The following TRAF5 variants were observed in gnomAD, a reference collection of about 807,000 sequenced individuals.
TRAF5 encodes TNF receptor associated factor 5, also known as TNF receptor-associated factor 5.
In TRAF5, 48 loss-of-function variants were observed where a neutral mutation model predicts 64.5. That is an observed-to-expected ratio of 0.74 (90% CI 0.59 to 0.95). The LOEUF is 0.95. TRAF5 is among the 40% of genes least tolerant of loss of function. The probability of loss-of-function intolerance (pLI) is 0.00; values close to 1 mark genes in which losing one functional copy is unlikely to be tolerated. For synonymous variants in TRAF5, 206 were observed against 240.5 expected, an observed-to-expected ratio of 0.86 and a Z score of 1.33; for missense variants, 545 against 662.8, an observed-to-expected ratio of 0.82 and a Z score of 1.95.
intron 1 of TRAF5, among the ~76,000 whole-genome samples, chr1:211,344,691 A>T (rs933221017): frequency 1.2e-4 from 18 of 152,220 alleles, no homozygotes; most frequent in African/African-American, 4.3e-4. Flanking sequence ...AGACCATTTC[A>T]GTTCTCCTTT....
intron 1 of TRAF5, among the ~76,000 whole-genome samples, chr1:211,332,455 T>C (rs981168074): frequency 3.9e-5 from 6 of 152,030 alleles, no homozygotes; most frequent in Admixed American, 2.0e-4. Context: ...GGGAGACCCT[T>C]GACCCTGGAG....
rs769155761 is a variant in TRAF5, at chr1:211,361,114, T to C, written c.648T>C (p.Pro216=). ...TAGATGAACACCTGGCTGTATGTCC[T>C]GAAGCTGAGCAAGACTGTCCTTTTA... ...TEVDEHLAVC[P]EAEQDCPFKH... is the part of the protein sequence containing the mutation. The change falls in exon 7 of 11, where the codon CCT becomes CCC. Residue 216 remains proline, a synonymous_variant. Coordinates refer to ENST00000261464, the MANE Select transcript of TRAF5 (RefSeq NM_001033910.3). 32 of 1,614,078 alleles carry C rather than the reference T, an allele frequency of 2.0e-5. 1 individual carries two copies. The South Asian group carries it at 3.5e-4, about 18-fold the overall frequency.
intron 1 of TRAF5, among the ~76,000 whole-genome samples, chr1:211,342,488 C>T (rs1702474337): frequency 6.6e-6 from 1 of 152,076 alleles, no homozygotes; most frequent in Non-Finnish European, 1.5e-5. Context: ...CTTTGTGTTA[C>T]AATCATCCCA....
chr1:211,345,353 C>G (rs1020059838), intron 1 of TRAF5, among the ~76,000 whole-genome samples: 2 of 151,974 alleles, frequency 1.3e-5, no homozygotes, highest in East Asian at 1.9e-4. Flanking sequence ...ACTGTGCCAG[C>G]CCTGCGCTCC....
intron 1 of TRAF5, among the ~76,000 whole-genome samples, chr1:211,332,282 C>T (rs1032800107): frequency 1.3e-5 from 2 of 152,232 alleles, no homozygotes; most frequent in Non-Finnish European, 2.9e-5. Flanking sequence ...CAAGCTCTGG[C>T]TTGATAGCCA....
intron 1 of TRAF5, among the ~76,000 whole-genome samples, chr1:211,338,792 T>G (rs1702372709): frequency 6.6e-6 from 1 of 152,074 alleles, no homozygotes; most frequent in African/African-American, 2.4e-5. Context: ...GCCCAGGTAA[T>G]TTTTATATTT....
At chr1:211,329,356 T>G (rs971446150) in intron 1 of TRAF5, among the ~76,000 whole-genome samples, 15 of 152,194 alleles carry the variant, frequency 9.9e-5, no homozygotes, top group Admixed American at 5.2e-4. Flanking sequence ...CCAGCAGGAC[T>G]TGCTTAAATC....
At chr1:211,369,792 C>T (rs570211849) in intron 9 of TRAF5, among the ~76,000 whole-genome samples, 200 bp downstream of exon 9, 2 of 152,318 alleles carry the variant, frequency 1.3e-5, no homozygotes, top group African/African-American at 2.4e-5. Flanking sequence ...ATCATTCATG[C>T]TCCCCTCCAC....
chr1:211,330,142 C>T (rs986021413), intron 1 of TRAF5, among the ~76,000 whole-genome samples: 1 of 152,140 alleles, frequency 6.6e-6, no homozygotes, highest in Non-Finnish European at 1.5e-5. Flanking sequence ...ATGCTTGGAT[C>T]GTGCTGTAGC....
At chr1:211,365,273 G>C in intron 7 of TRAF5, 103 bp from the exon 8 acceptor site, 9 of 970,192 alleles carry the variant, frequency 9.3e-6, no homozygotes, top group Non-Finnish European at 1.4e-5. Context: ...AACTATTAAA[G>C]TAAGCAAAGT....
intron 1 of TRAF5, among the ~76,000 whole-genome samples, chr1:211,348,296 A>G (rs1702674465): frequency 6.6e-6 from 1 of 152,236 alleles, no homozygotes; most frequent in South Asian, 2.1e-4. Flanking sequence ...TCATAAAAAT[A>G]TTTGTATTAA....
chr1:211,354,423 G>A lies in TRAF5; in HGVS notation c.232G>A (p.Val78Met), dbSNP rs1702896578. Residue 78 changes from valine (V) to methionine (M), a missense_variant, in exon 3 of 11, where the codon GTG becomes ATG. By Grantham distance (21) the Val-to-Met change is conservative. Transcript: ENST00000261464. ...CILSLRELNT[V>M]PICPVDKEVI... ...TTTTTTCTCCAGAGAATTAAACACA[G>A]TGCCAATCTGCCCTGTAGATAAAGA... 1.9e-6 allele frequency: 3 copies of A among 1,614,172 alleles called. No homozygotes were observed. The South Asian group carries it at 3.3e-5, about 18-fold the overall frequency.
intron 1 of TRAF5, among the ~76,000 whole-genome samples, chr1:211,328,587 C>G (rs1322947500): frequency 6.6e-6 from 1 of 151,910 alleles, no homozygotes; most frequent in Non-Finnish European, 1.5e-5. Context: ...GTCCACTGAA[C>G]GTCCTGACGA....
chr1:211,355,411 T>C (rs1352833841), intron 3 of TRAF5, among the ~76,000 whole-genome samples: 3 of 152,188 alleles, frequency 2.0e-5, no homozygotes, highest in Admixed American at 2.0e-4. Flanking sequence ...GTCTGTTCCA[T>C]TGTCATGAAG....
chr1:211,363,991 G>T (rs1703268543), intron 7 of TRAF5, among the ~76,000 whole-genome samples: 1 of 151,688 alleles, frequency 6.6e-6, no homozygotes, highest in South Asian at 2.1e-4. Flanking sequence ...ATCTCCAGTT[G>T]GTTTGTATTC....
At chr1:211,351,040 T>TTC (rs1553270351) in intron 1 of TRAF5, among the ~76,000 whole-genome samples, 1 of 147,668 alleles carries the variant, frequency 6.8e-6, no homozygotes, top group East Asian at 2.0e-4. Flanking sequence ...TCTTTTTTTT[T>TTC]TTTTTTTTTT....
At chr1:211,329,427 A>G (rs10863888) in intron 1 of TRAF5, among the ~76,000 whole-genome samples, 77,236 of 152,024 alleles carry the variant, frequency 0.51, 21,686 homozygotes, top group East Asian at 0.62. Flanking sequence ...TTAACTTCTC[A>G]CTACCTCCTC....
intron 7 of TRAF5, among the ~76,000 whole-genome samples, chr1:211,361,593 A>C (rs2102758530): frequency 6.6e-6 from 1 of 152,062 alleles, no homozygotes; most frequent in African/African-American, 2.4e-5. Context: ...TCTGCAAAAT[A>C]CCTTCACAGC....
Position 211,373,646 on chromosome 1 carries a change from A to T in TRAF5, c.*944A>T, listed in dbSNP as rs745578810. 11 of 152,252 alleles carry T rather than the reference A, an allele frequency of 7.2e-5. No homozygotes were observed. The highest frequency in any genetic ancestry group is 1.5e-4 in the Non-Finnish European group (10 of 68,040). The allele number at this position is 152,252 out of a possible 1,614,324, so 9.4% of individuals were successfully genotyped here. ...TGTCATAAATGGATAAAAGGAATTTACAACTTGAGGAGAAAACCTTTACAA... is the reference window on the plus strand; with the variant it reads ...TGTCATAAATGGATAAAAGGAATTTTCAACTTGAGGAGAAAACCTTTACAA... On this transcript the variant is annotated 3_prime_UTR_variant, in exon 11 of 11. Transcript: ENST00000261464.
Sources: gnomAD v4.1 joint callset for allele counts (sites outside exome capture counted in the v4.1 genomes callset) on GRCh38, gnomAD v4.1.1 for gene constraint, MANE v1.5 for transcripts, NCBI Gene and HGNC (gene_info 2026-07-23, HGNC 2026-07-21) for gene names.